NCOA1: variants seen among roughly 807,000 people sequenced by gnomAD.
NCOA1 encodes the protein nuclear receptor coactivator 1.
In NCOA1, 35 loss-of-function variants were observed where a neutral mutation model predicts 150.9. That is an observed-to-expected ratio of 0.23 (90% CI 0.18 to 0.31). The LOEUF (loss-of-function observed/expected upper bound fraction) is 0.31. Among genes scored for constraint, NCOA1 ranks in the 10% least tolerant of loss-of-function variants. The pLI, the probability that NCOA1 is intolerant of heterozygous loss-of-function variation, is 1.00. For synonymous variants in NCOA1, 590 were observed against 630.0 expected, an observed-to-expected ratio of 0.94 and a Z score of 0.95; for missense variants, 1,491 against 1,749.3, an observed-to-expected ratio of 0.85 and a Z score of 2.63.
At chr2:24,655,214 A>C (rs1360879101) in intron 4 of NCOA1, among the ~76,000 whole-genome samples, 1 of 152,204 alleles carries the variant, frequency 6.6e-6, no homozygotes, top group African/African-American at 2.4e-5. Context: ...ACTGAGATCA[A>C]TTTAAAGTTT....
intron 4 of NCOA1, among the ~76,000 whole-genome samples, chr2:24,657,502 G>T (rs1379364315): frequency 6.6e-6 from 1 of 152,178 alleles, no homozygotes; most frequent in Non-Finnish European, 1.5e-5. Context: ...CTAATATGGA[G>T]AAATTGAAAA....
chr2:24,617,807 C>T (rs1668938093), intron 3 of NCOA1, among the ~76,000 whole-genome samples: 1 of 151,906 alleles, frequency 6.6e-6, no homozygotes, highest in South Asian at 2.1e-4. Flanking sequence ...TTATTTAATA[C>T]CAAAAAACAA....
intron 17 of NCOA1, among the ~76,000 whole-genome samples, chr2:24,731,531 A>G (rs1294766695): frequency 6.6e-6 from 1 of 152,156 alleles, no homozygotes; most frequent in African/African-American, 2.4e-5. Flanking sequence ...CATTCTGTTT[A>G]AAAAAAGGAA....
chr2:24,583,648 C>T (rs1667288876), intron 2 of NCOA1, among the ~76,000 whole-genome samples: 2 of 152,064 alleles, frequency 1.3e-5, no homozygotes, highest in South Asian at 4.1e-4. Flanking sequence ...ACCTAAATAT[C>T]TATCAACAGA....
chr2:24,637,582 A>G (rs1034353389), intron 3 of NCOA1, among the ~76,000 whole-genome samples: 3 of 152,108 alleles, frequency 2.0e-5, no homozygotes, highest in African/African-American at 4.8e-5. Context: ...TCAGTAAACT[A>G]TCGCAAGAAC....
chr2:24,656,698 A>T (rs1178840365), intron 4 of NCOA1, among the ~76,000 whole-genome samples: 1 of 152,216 alleles, frequency 6.6e-6, no homozygotes, highest in African/African-American at 2.4e-5. Context: ...TAGTTTACAC[A>T]TGAGTGAGAA....
At chr2:24,517,229 A>G (rs1276171415) in intron 1 of NCOA1, among the ~76,000 whole-genome samples, 1 of 151,350 alleles carries the variant, frequency 6.6e-6, no homozygotes, top group South Asian at 2.1e-4. Flanking sequence ...TGTATTTTTT[A>G]TACTATATTT....
intron 1 of NCOA1, among the ~76,000 whole-genome samples, chr2:24,505,324 C>T (rs528720843): frequency 6.6e-6 from 1 of 152,094 alleles, no homozygotes; most frequent in African/African-American, 2.4e-5. Context: ...GTAGTACAGG[C>T]ATGTGCCACC....
rs1032335208 is a variant in NCOA1 at position 24,769,723 on chromosome 2, C to G, written c.*1332C>G. 9.1e-6 allele frequency: 2 copies of G among 220,654 alleles called. No homozygotes were observed. Among genetic ancestry groups the G allele is most frequent in the Non-Finnish European group, 1.8e-5 (2 of 109,934 alleles). 13.7% of individuals were successfully genotyped at this position (220,654 alleles called of 1,614,324 possible). A position where few individuals can be genotyped will look rare whatever the true frequency, so the allele number is the denominator to read the frequency against. On this transcript the variant is annotated 3_prime_UTR_variant, in exon 23 of 23. Transcript: ENST00000348332. Reference sequence around the variant, plus strand: ...GTCTTGTGACTCTGCCACATCCCATCTCATCCTGGCCTCTGAGTCAAGAAC... The same window carrying G: ...GTCTTGTGACTCTGCCACATCCCATGTCATCCTGGCCTCTGAGTCAAGAAC...
At chr2:24,629,316 G>A (rs1448508397) in intron 3 of NCOA1, among the ~76,000 whole-genome samples, 1 of 152,014 alleles carries the variant, frequency 6.6e-6, no homozygotes, top group Non-Finnish European at 1.5e-5. Context: ...ATATAATGGT[G>A]CGTGTAAGAG....
chr2:24,601,288 C>T (rs1572473540), intron 3 of NCOA1, among the ~76,000 whole-genome samples: 1 of 152,122 alleles, frequency 6.6e-6, no homozygotes, highest in East Asian at 1.9e-4. Flanking sequence ...TCAGAGCTCA[C>T]TTTAACTTCC....
intron 1 of NCOA1, chr2:24,492,147 G>C (rs1662995155): frequency 6.6e-6 from 1 of 152,234 alleles, no homozygotes; most frequent in Non-Finnish European, 1.5e-5. Flanking sequence ...GTTTGACCCC[G>C]GCGCGCTTGC....
At chr2:24,693,607 C>T (rs1672768939) in intron 10 of NCOA1, among the ~76,000 whole-genome samples, 1 of 151,832 alleles carries the variant, frequency 6.6e-6, no homozygotes, top group African/African-American at 2.4e-5. Flanking sequence ...TTTTTCAAAT[C>T]ATGGAATAAA....
chr2:24,646,109 T>G (rs1176510785), intron 4 of NCOA1, among the ~76,000 whole-genome samples: 2 of 152,212 alleles, frequency 1.3e-5, no homozygotes, highest in African/African-American at 4.8e-5. Context: ...CTCATTATAA[T>G]GACATTTTTC....
At chr2:24,497,510 A>G (rs554615995) in intron 1 of NCOA1, among the ~76,000 whole-genome samples, 1 of 152,248 alleles carries the variant, frequency 6.6e-6, no homozygotes, top group African/African-American at 2.4e-5. Context: ...TGTCTCTACT[A>G]AAAATACAAA....
intron 14 of NCOA1, among the ~76,000 whole-genome samples, chr2:24,714,438 C>T (rs1241214959): frequency 6.6e-6 from 1 of 151,612 alleles, no homozygotes; most frequent in Non-Finnish European, 1.5e-5. Context: ...AATAGCTATT[C>T]TAAATATGTT....
intron 1 of NCOA1, among the ~76,000 whole-genome samples, chr2:24,547,988 C>CAAAAAAAA (rs34669959): frequency 0.019 from 1,403 of 74,876 alleles, 39 homozygotes; most frequent in African/African-American, 0.025. Flanking sequence ...GACTCTGTCT[C>CAAAAAAAA]AAAAAAAAAA....
At chr2:24,606,530 C>T (rs1447508413) in intron 3 of NCOA1, among the ~76,000 whole-genome samples, 3 of 152,238 alleles carry the variant, frequency 2.0e-5, no homozygotes, top group African/African-American at 7.2e-5. Flanking sequence ...AGTCACCATG[C>T]TTGGCCTTAT....
intron 8 of NCOA1, among the ~76,000 whole-genome samples, chr2:24,688,164 T>C (rs1413616040): frequency 6.6e-6 from 1 of 152,234 alleles, no homozygotes; most frequent in East Asian, 1.9e-4. Flanking sequence ...TTGATGGTCA[T>C]TGAGGTTGAC....
Sources: allele counts gnomAD v4.1 joint callset (sites outside exome capture counted in the v4.1 genomes callset), GRCh38; gene constraint gnomAD v4.1.1; transcripts MANE v1.5; gene names NCBI Gene and HGNC (gene_info 2026-07-23, HGNC 2026-07-21).